ADK: variants seen among roughly 807,000 people sequenced by gnomAD.
ADK encodes the protein adenosine kinase.
A neutral mutation model predicts 44.7 loss-of-function variants in ADK; 24 were observed. The ratio of observed to expected loss-of-function variants is 0.54; its 90% CI spans 0.39 to 0.76. ADK has a LOEUF of 0.76. Among genes scored for constraint, ADK ranks in the 30% least tolerant of loss-of-function variants. The pLI is 0.00. For synonymous variants in ADK, 128 were observed against 142.6 expected (o/e 0.90, Z 0.73); for missense variants, 321 against 425.1 (o/e 0.76, Z 2.15).
At chr10:74,518,775 A>AT (rs1848696353) in intron 6 of ADK, among the ~76,000 whole-genome samples, 1 of 152,142 alleles carries the variant, frequency 6.6e-6, no homozygotes, top group Non-Finnish European at 1.5e-5. Context: ...ATTATCCACA[A>AT]TTTTTGTACC....
intron 3 of ADK, among the ~76,000 whole-genome samples, chr10:74,256,253 G>A (rs544959034): frequency 2.0e-5 from 3 of 152,306 alleles, no homozygotes; most frequent in East Asian, 1.9e-4. Context: ...TTCATGGAGC[G>A]CCATGCTGAG....
At chr10:74,377,171 T>TTAG (rs1178109415) in intron 4 of ADK, among the ~76,000 whole-genome samples, 8 of 152,320 alleles carry the variant, frequency 5.3e-5, no homozygotes, top group African/African-American at 1.9e-4. Flanking sequence ...AGCATGTGTT[T>TTAG]TAGTAACTGG....
chr10:74,209,723 C>CA lies in ADK; in HGVS notation c.140+8892dup, dbSNP rs1206036882. On this transcript the variant is annotated intron_variant, in intron 2 of 10. Transcript: ENST00000539909. ...AGCCTCAAACTCCTGTCCCTCCCAC[C>CA]AAAAAAAGAATTGAAAGTTATTAGG... is the stretch of plus-strand genomic sequence containing the variant. Among the ~76,000 whole-genome samples the CA allele has an allele frequency of 4.0e-5, 6 of 151,212 alleles. No individual in the cohort carries two copies. The South Asian group carries it at 1.2e-3, about 31-fold the overall frequency.
intron 4 of ADK, among the ~76,000 whole-genome samples, chr10:74,365,496 A>T (rs1344832003): frequency 6.6e-6 from 1 of 152,172 alleles, no homozygotes; most frequent in African/African-American, 2.4e-5. Flanking sequence ...GTATAGCTAT[A>T]CCACATTTGT....
intron 6 of ADK, among the ~76,000 whole-genome samples, chr10:74,435,842 A>G (rs1845162996): frequency 6.6e-6 from 1 of 152,178 alleles, no homozygotes; most frequent in Admixed American, 6.5e-5. Flanking sequence ...AAAATGAAAT[A>G]TTTTCCTAGA....
At chr10:74,215,354 G>C (rs905835556) in intron 2 of ADK, among the ~76,000 whole-genome samples, 3 of 152,230 alleles carry the variant, frequency 2.0e-5, no homozygotes, top group Admixed American at 6.5e-5. Flanking sequence ...CTGTCGCCTA[G>C]GTTGGAGTGC....
intron 4 of ADK, among the ~76,000 whole-genome samples, chr10:74,373,182 G>C (rs1175180998): frequency 6.6e-6 from 1 of 151,536 alleles, no homozygotes; most frequent in Non-Finnish European, 1.5e-5. Flanking sequence ...ATGAATTAAA[G>C]ACTTAAATGT....
At chr10:74,523,613 T>C (rs1452442777) in intron 6 of ADK, among the ~76,000 whole-genome samples, 1 of 152,212 alleles carries the variant, frequency 6.6e-6, no homozygotes, top group Non-Finnish European at 1.5e-5. Flanking sequence ...TAAGTCCAAC[T>C]TTCTGGTAGA....
intron 10 of ADK, among the ~76,000 whole-genome samples, chr10:74,694,146 C>CTTTTTTTTTTTTTTTTTT (rs1266786094): frequency 4.1e-4 from 15 of 36,304 alleles, no homozygotes; most frequent in Admixed American, 8.1e-4. Flanking sequence ...TTTTCAAACA[C>CTTTTTTTTTTTTTTTTTT]ATTTTTTTTT....
intron 1 of ADK, among the ~76,000 whole-genome samples, chr10:74,197,590 C>T (rs1476164675): frequency 1.3e-5 from 2 of 151,702 alleles, no homozygotes; most frequent in Non-Finnish European, 2.9e-5. Context: ...ATCCCAGCTA[C>T]TCAGCAGGCT....
At chr10:74,283,177 C>T (rs1055767670) in intron 3 of ADK, among the ~76,000 whole-genome samples, 20 of 152,098 alleles carry the variant, frequency 1.3e-4, no homozygotes, top group Non-Finnish European at 2.5e-4. Flanking sequence ...ATGTAGATGA[C>T]GTTTCTAATA....
intron 7 of ADK, among the ~76,000 whole-genome samples, chr10:74,563,128 T>C (rs10762629): frequency 0.34 from 52,043 of 152,000 alleles, 12,284 homozygotes; most frequent in East Asian, 0.65. Context: ...CAGGCATGAT[T>C]ATAGCACAAC....
chr10:74,628,654 T>C (rs373486799), intron 9 of ADK, among the ~76,000 whole-genome samples: 13 of 152,188 alleles, frequency 8.5e-5, no homozygotes, highest in African/African-American at 3.1e-4. Flanking sequence ...TCACTTCTAA[T>C]ATGAATACAA....
chr10:74,203,836 AT>A (rs964464427), intron 2 of ADK, among the ~76,000 whole-genome samples: 4 of 150,918 alleles, frequency 2.7e-5, no homozygotes, highest in African/African-American at 9.7e-5. Flanking sequence ...TAGCTTTTTC[AT>A]TTCTGTAAAA....
intron 6 of ADK, among the ~76,000 whole-genome samples, chr10:74,474,155 A>G (rs1282415143): frequency 6.6e-6 from 1 of 152,168 alleles, no homozygotes; most frequent in East Asian, 1.9e-4. Flanking sequence ...CTCACTCTAT[A>G]TCTCAGGTTG....
chr10:74,227,661 T>C (rs1399154374), intron 3 of ADK, among the ~76,000 whole-genome samples: 4 of 152,128 alleles, frequency 2.6e-5, no homozygotes. Flanking sequence ...CTGGCCAAGA[T>C]GGTGAAACCC....
intron 6 of ADK, among the ~76,000 whole-genome samples, chr10:74,413,352 G>GA (rs1007744094): frequency 1.3e-5 from 2 of 152,128 alleles, no homozygotes; most frequent in African/African-American, 4.8e-5. Context: ...TGTCTATGTT[G>GA]AAAACCTGTT....
intron 4 of ADK, among the ~76,000 whole-genome samples, chr10:74,366,367 T>G (rs1028847584): frequency 4.6e-5 from 7 of 152,226 alleles, no homozygotes; most frequent in Non-Finnish European, 7.3e-5. Context: ...CTCTGCCAAT[T>G]AAGTAGCCTT....
chr10:74,547,434 AT>A (rs1849861596), intron 7 of ADK, among the ~76,000 whole-genome samples: 1 of 126,648 alleles, frequency 7.9e-6, no homozygotes, highest in African/African-American at 3.7e-5. Context: ...CCCACTTTAT[AT>A]ATATATATAT....
Sources: gnomAD v4.1 joint callset for allele counts (sites outside exome capture counted in the v4.1 genomes callset) on GRCh38, gnomAD v4.1.1 for gene constraint, MANE v1.5 for transcripts, NCBI Gene and HGNC (gene_info 2026-07-23, HGNC 2026-07-21) for gene names.